The following ZC4H2 variants were observed in gnomAD, a reference collection of about 807,000 sequenced individuals.
ZC4H2 encodes zinc finger C4H2 domain-containing protein.
For synonymous variants in ZC4H2, 84 were observed against 66.3 expected (o/e 1.27, Z -1.30); for missense variants, 137 against 173.9 (o/e 0.79, Z 1.19).
At chrX:64,943,730 A>G (rs762643467) in intron 1 of ZC4H2, among the ~76,000 whole-genome samples, 1 of 111,440 alleles carries the variant, frequency 9.0e-6, no homozygotes, top group Non-Finnish European at 1.9e-5. Flanking sequence ...ATCTTTGCAC[A>G]TGAGATGGGT....
intron 1 of ZC4H2, among the ~76,000 whole-genome samples, chrX:64,988,581 TG>T (rs998711413): frequency 2.7e-5 from 3 of 111,210 alleles, no homozygotes; most frequent in African/African-American, 9.8e-5. Flanking sequence ...TTGATGGGTT[TG>T]TTTTTTTTTT....
upstream of ZC4H2, among the ~76,000 whole-genome samples, chrX:64,980,906 C>T (rs972501923): frequency 1.8e-5 from 2 of 109,862 alleles, no homozygotes; most frequent in African/African-American, 6.7e-5. Context: ...GGAGATAAGC[C>T]CATAAGACAC....
At chrX:65,029,072 CAA>C (rs1036764359) in intron 1 of ZC4H2, among the ~76,000 whole-genome samples, 1 of 109,985 alleles carries the variant, frequency 9.1e-6, no homozygotes, top group African/African-American at 3.3e-5. Flanking sequence ...AGAAATAGGC[CAA>C]GAGTGGAACT....
chrX:65,027,890 G>A (rs928119410), intron 1 of ZC4H2, among the ~76,000 whole-genome samples: 6 of 111,862 alleles, frequency 5.4e-5, no homozygotes, highest in East Asian at 2.8e-4. Context: ...GATGACATTC[G>A]TCATGCGGGA....
At chrX:65,021,242 G>T (rs186373565) in intron 1 of ZC4H2, among the ~76,000 whole-genome samples, 27 of 110,446 alleles carry the variant, frequency 2.4e-4, no homozygotes, top group Non-Finnish European at 4.7e-4. Context: ...GCACCATATC[G>T]CACTTATTCT....
chrX:65,032,793 T>G (rs1041444561), intron 1 of ZC4H2, among the ~76,000 whole-genome samples: 2 of 97,157 alleles, frequency 2.1e-5, no homozygotes, highest in African/African-American at 4.5e-5. Context: ...TTCTTTTTTT[T>G]GGGGGACGGA....
intron 1 of ZC4H2, among the ~76,000 whole-genome samples, chrX:65,014,724 T>C (rs146473156): frequency 8.8e-4 from 99 of 112,051 alleles, no homozygotes; most frequent in African/African-American, 3.0e-3. Context: ...TGTAGTGTAG[T>C]GCTCAACACA....
At chrX:64,959,564 T>C (rs1471357803) in intron 1 of ZC4H2, among the ~76,000 whole-genome samples, 3 of 108,180 alleles carry the variant, frequency 2.8e-5, no homozygotes, top group Non-Finnish European at 5.7e-5. Flanking sequence ...TTATCAGACT[T>C]TTCTGGTCTG....
chrX:65,018,358 A>G (rs1026573993), intron 1 of ZC4H2, among the ~76,000 whole-genome samples: 3 of 112,408 alleles, frequency 2.7e-5, no homozygotes, highest in Admixed American at 9.4e-5. Flanking sequence ...CTGGTTGGAC[A>G]GTGGGTGCAG....
chrX:64,965,539 G>A, intron 1 of ZC4H2: 1 of 301,190 alleles, frequency 3.3e-6, no homozygotes, highest in Non-Finnish European at 6.3e-6. Flanking sequence ...GAAAATATAG[G>A]AGAAAATCTT....
At chrX:64,957,193 C>A (rs765550371) in intron 1 of ZC4H2, among the ~76,000 whole-genome samples, 27 of 112,287 alleles carry the variant, frequency 2.4e-4, no homozygotes, top group African/African-American at 8.7e-4. Flanking sequence ...AAACTGTGTT[C>A]AAATAGTGCA....
At chrX:64,922,579 C>T (rs1460549605) in intron 1 of ZC4H2, among the ~76,000 whole-genome samples, 1 of 112,323 alleles carries the variant, frequency 8.9e-6, no homozygotes, top group African/African-American at 3.2e-5. Context: ...GTGTTACTGG[C>T]ATTTAGTGGA....
At chrX:64,971,468 G>A (rs993494117) in intron 1 of ZC4H2, among the ~76,000 whole-genome samples, 1 of 112,100 alleles carries the variant, frequency 8.9e-6, no homozygotes, top group African/African-American at 3.2e-5. Flanking sequence ...GTGATTGCAG[G>A]TGAGTCATTA....
chrX:65,021,241 C>T (rs780595486), intron 1 of ZC4H2, among the ~76,000 whole-genome samples: 3 of 110,714 alleles, frequency 2.7e-5, no homozygotes, highest in Non-Finnish European at 5.6e-5. Flanking sequence ...AGCACCATAT[C>T]GCACTTATTC....
intron 1 of ZC4H2, among the ~76,000 whole-genome samples, chrX:64,932,259 A>G (rs188317103): frequency 9.0e-6 from 1 of 111,347 alleles, no homozygotes. Context: ...CTTATGCATT[A>G]GGTGAGTCTC....
intron 1 of ZC4H2, among the ~76,000 whole-genome samples, chrX:64,925,830 G>T (rs1389505763): frequency 8.9e-6 from 1 of 111,877 alleles, no homozygotes; most frequent in African/African-American, 3.2e-5. Context: ...GGGGTGAAGG[G>T]CTGCCACCAG....
At chrX:64,941,190 CTGTG>C (rs1446501864) in intron 1 of ZC4H2, among the ~76,000 whole-genome samples, 3 of 111,755 alleles carry the variant, frequency 2.7e-5, no homozygotes, top group African/African-American at 9.8e-5. Context: ...ATTTGGCTCT[CTGTG>C]TGTCTATTAT....
chrX:65,015,987 GAT>G (rs1397428226), intron 1 of ZC4H2, among the ~76,000 whole-genome samples: 1 of 111,041 alleles, frequency 9.0e-6, no homozygotes, highest in Non-Finnish European at 1.9e-5. Flanking sequence ...AATCCATAAA[GAT>G]ATATAGCCAA....
At chrX:64,919,291 G>T in intron 3 of ZC4H2, 87 bp from the exon 4 acceptor site, 1 of 1,080,343 alleles carries the variant, frequency 9.3e-7, no homozygotes, top group Non-Finnish European at 1.3e-6. Context: ...TACAACCAAG[G>T]GTTGAGCTGT....
Sources: allele counts gnomAD v4.1 joint callset (sites outside exome capture counted in the v4.1 genomes callset), GRCh38; gene constraint gnomAD v4.1.1; transcripts MANE v1.5; gene names NCBI Gene and HGNC (gene_info 2026-07-23, HGNC 2026-07-21).